The following STOX2 variants were observed in gnomAD, a reference collection of about 807,000 sequenced individuals.
STOX2 encodes the protein storkhead-box protein 2.
Under a neutral mutation model 60.9 loss-of-function variants are expected in STOX2, and 28 were observed. The ratio of observed to expected loss-of-function variants is 0.46; its 90% CI spans 0.34 to 0.63. STOX2 has a LOEUF of 0.63. STOX2 is among the 30% of genes least tolerant of loss of function. The pLI is 0.01. For missense variants in STOX2, 1,024 were observed against 1,187.7 expected (o/e 0.86, Z 2.03); for synonymous variants, 472 against 463.9 (o/e 1.02, Z -0.22).
chr4:183,984,294 T>C (rs1732763155), intron 1 of STOX2, among the ~76,000 whole-genome samples: 2 of 152,272 alleles, frequency 1.3e-5, no homozygotes, highest in South Asian at 2.1e-4. Flanking sequence ...AAGCCATTGC[T>C]GACTGTTTCG....
intron 1 of STOX2, among the ~76,000 whole-genome samples, chr4:183,801,286 T>C (rs1447965979): frequency 6.6e-6 from 1 of 152,198 alleles, no homozygotes; most frequent in African/African-American, 2.4e-5. Flanking sequence ...AGAAAAAAAG[T>C]TTGGACTTTT....
intron 1 of STOX2, among the ~76,000 whole-genome samples, chr4:183,895,750 T>C (rs939809519): frequency 7.2e-5 from 11 of 152,234 alleles, no homozygotes; most frequent in African/African-American, 2.4e-4. Context: ...TAAACATTTG[T>C]TGGATGAACA....
intron 1 of STOX2, among the ~76,000 whole-genome samples, chr4:183,947,082 G>T (rs963879120): frequency 1.8e-4 from 7 of 38,180 alleles, no homozygotes; most frequent in South Asian, 2.3e-3. Context: ...ATCCTGGTGG[G>T]GGGTGGGGCA....
intron 1 of STOX2, among the ~76,000 whole-genome samples, chr4:183,925,441 C>T (rs1365465042): frequency 1.3e-5 from 2 of 152,130 alleles, no homozygotes; most frequent in Non-Finnish European, 2.9e-5. Flanking sequence ...CCTTGGCCTC[C>T]CAAAGTGCTG....
chr4:183,817,194 T>C (rs1739173417), intron 1 of STOX2, among the ~76,000 whole-genome samples: 1 of 152,210 alleles, frequency 6.6e-6, no homozygotes, highest in Non-Finnish European at 1.5e-5. Flanking sequence ...AAAAGAACCC[T>C]CCAACTATTT....
At chr4:183,992,146 C>G (rs11735366) in intron 1 of STOX2, among the ~76,000 whole-genome samples, 38,417 of 152,052 alleles carry the variant, frequency 0.25, 5,605 homozygotes, top group Non-Finnish European at 0.33. Context: ...GGGGTAGAAG[C>G]GTGTTCGGTT....
chr4:183,996,149 G>A (rs1310271319), intron 1 of STOX2, among the ~76,000 whole-genome samples: 1 of 152,224 alleles, frequency 6.6e-6, no homozygotes, highest in Non-Finnish European at 1.5e-5. Context: ...AAGGCACTGA[G>A]TTTGGTTTTA....
At chr4:183,986,916 C>A (rs902421173) in intron 1 of STOX2, among the ~76,000 whole-genome samples, 6 of 152,074 alleles carry the variant, frequency 3.9e-5, no homozygotes, top group African/African-American at 1.4e-4. Context: ...TTCGGGGGCG[C>A]CTTATGAAGA....
intron 1 of STOX2, among the ~76,000 whole-genome samples, chr4:183,868,248 C>T (rs1182053684): frequency 6.6e-6 from 1 of 152,018 alleles, no homozygotes; most frequent in Non-Finnish European, 1.5e-5. Flanking sequence ...ACCAGAGAGC[C>T]ATGGACAACC....
chr4:183,865,324 G>A lies in STOX2; in HGVS notation c.364+67269G>A, dbSNP rs1039291152. On this transcript the variant is annotated intron_variant, in intron 1 of 2. Coordinates refer to the STOX2 transcript ENST00000513034. This position sits in a 1 kb window ranked among gnomAD's most constrained non-coding sequence, Gnocchi z 4.1. ...AGATACTCGGTTTTAAAGTGACTGG[G>A]GTGGGTGGGATTGCTGTTTTACCTG... Among the ~76,000 whole-genome samples, 6 of 152,078 alleles carry A rather than the reference G, an allele frequency of 3.9e-5. No homozygotes were observed. Among genetic ancestry groups the A allele is most frequent in the African/African-American group, 1.4e-4 (6 of 41,402 alleles).
At chr4:183,800,053 T>C (rs1738724641) in intron 1 of STOX2, among the ~76,000 whole-genome samples, 2 of 152,180 alleles carry the variant, frequency 1.3e-5, no homozygotes, top group Non-Finnish European at 2.9e-5. Flanking sequence ...AACTTTCTTT[T>C]GAACTGCCTG....
intron 2 of STOX2, among the ~76,000 whole-genome samples, chr4:184,008,933 C>T (rs1734004577): frequency 6.6e-6 from 1 of 152,184 alleles, no homozygotes; most frequent in African/African-American, 2.4e-5. Context: ...ACTTCCATCT[C>T]TGTCTTCCCA....
chr4:183,958,694 T>C (rs1046900000), intron 1 of STOX2, among the ~76,000 whole-genome samples: 2 of 152,202 alleles, frequency 1.3e-5, no homozygotes, highest in African/African-American at 4.8e-5. Context: ...TTACTTGAAG[T>C]AAGAAGACAG....
intron 1 of STOX2, among the ~76,000 whole-genome samples, chr4:183,866,453 G>A (rs911160222): frequency 6.6e-6 from 1 of 152,150 alleles, no homozygotes; most frequent in African/African-American, 2.4e-5. Flanking sequence ...AGCCTTCAGA[G>A]CTGCAGGGCA....
intron 1 of STOX2, among the ~76,000 whole-genome samples, chr4:183,987,420 C>T (rs1048235464): frequency 3.3e-5 from 5 of 152,122 alleles, no homozygotes; most frequent in African/African-American, 1.2e-4. Context: ...TCACAATGAG[C>T]GTGGCACCCG....
At chr4:183,899,997 C>T (rs578093651) in intron 1 of STOX2, among the ~76,000 whole-genome samples, 2 of 152,186 alleles carry the variant, frequency 1.3e-5, no homozygotes, top group African/African-American at 4.8e-5. Flanking sequence ...ATTTACTATA[C>T]CAAAAAACTT....
intron 1 of STOX2, among the ~76,000 whole-genome samples, chr4:183,828,666 G>C (rs532855773): frequency 6.6e-6 from 1 of 152,152 alleles, no homozygotes; most frequent in Non-Finnish European, 1.5e-5. Context: ...TATTATTCAG[G>C]CTGGCTCTTG....
intron 3 of STOX2, chr4:184,016,190 G>A (rs1282346115): frequency 6.6e-6 from 1 of 152,110 alleles, no homozygotes; most frequent in Non-Finnish European, 1.5e-5. Flanking sequence ...GGGAAACCCA[G>A]TCTCTACTAA....
In STOX2 at chr4:184,018,101, A is replaced by C. The variant is rs1217811893; in HGVS notation, c.*817A>C. 1.3e-5 allele frequency: 2 copies of C among 152,224 alleles called. No homozygotes were observed. The highest frequency in any genetic ancestry group is 2.9e-5 in the Non-Finnish European group (2 of 68,030). 9.4% of individuals were successfully genotyped at this position (152,224 alleles called of 1,614,324 possible). A position where few individuals can be genotyped will look rare whatever the true frequency, so the allele number is the denominator to read the frequency against. ...GGGGCACAGCATTAGGTGATTGAAA[A>C]GGTGATGTGGACTTGTAAAAGGTGT... On this transcript the variant is annotated 3_prime_UTR_variant, in exon 4 of 4. Transcript: ENST00000308497.
Sources: allele counts gnomAD v4.1 joint callset (sites outside exome capture counted in the v4.1 genomes callset), GRCh38; gene constraint gnomAD v4.1.1; non-coding constraint Gnocchi (gnomAD v3.1); transcripts MANE v1.5; gene names NCBI Gene and HGNC (gene_info 2026-07-23, HGNC 2026-07-21).